B4GALT6: variants seen among roughly 807,000 people sequenced by gnomAD.
B4GALT6 encodes UDP-Gal:beta-GlcNAc beta-1,4-galactosyltransferase 6.
B4GALT6 carries 14 observed loss-of-function variants against 46.3 expected under a neutral mutation model. The ratio of observed to expected loss-of-function variants is 0.30; its 90% CI spans 0.20 to 0.47. The LOEUF (loss-of-function observed/expected upper bound fraction) is 0.47. B4GALT6 is among the 20% of genes least tolerant of loss of function. B4GALT6 has a pLI of 0.99. For synonymous variants in B4GALT6, 168 were observed against 162.0 expected, an observed-to-expected ratio of 1.04 and a Z score of -0.28; for missense variants, 386 against 480.1, an observed-to-expected ratio of 0.80 and a Z score of 1.83.
chr18:31,641,545 T>C (rs1051869553), intron 4 of B4GALT6, among the ~76,000 whole-genome samples: 2 of 152,222 alleles, frequency 1.3e-5, no homozygotes. Context: ...CTAGAAAAGA[T>C]CTCAGTGTTC....
At chr18:31,718,362 A>G in the B4GALT6 span, among the ~76,000 whole-genome samples, 1 of 152,242 alleles carries the variant, frequency 6.6e-6, no homozygotes, top group Non-Finnish European at 1.5e-5. Flanking sequence ...TATAGTGCCA[A>G]GGTTAAGAAA....
intron 3 of B4GALT6, among the ~76,000 whole-genome samples, chr18:31,649,704 A>G (rs2144604433): frequency 6.6e-6 from 1 of 152,340 alleles, no homozygotes; most frequent in East Asian, 1.9e-4. Context: ...AACCACGATA[A>G]GACAGCATCA....
At chr18:31,687,814 G>C (rs115826014), upstream of B4GALT6, among the ~76,000 whole-genome samples, 1 of 152,094 alleles carries the variant, frequency 6.6e-6, no homozygotes, top group Non-Finnish European at 1.5e-5. Flanking sequence ...GTATTAATAA[G>C]AAGTATACAC....
intron 3 of B4GALT6, among the ~76,000 whole-genome samples, chr18:31,654,677 T>C (rs1044332078): frequency 1.2e-4 from 19 of 152,228 alleles, no homozygotes; most frequent in Non-Finnish European, 1.0e-4. Context: ...TACACCAGTG[T>C]TAAGCCTTAA....
At chr18:31,696,237 T>C in the B4GALT6 span, among the ~76,000 whole-genome samples, 2 of 152,100 alleles carry the variant, frequency 1.3e-5, no homozygotes, top group Non-Finnish European at 2.9e-5. Context: ...TTGAGCAAAG[T>C]AAAATGATAG....
At chr18:31,705,799 A>G in the B4GALT6 span, among the ~76,000 whole-genome samples, 1 of 152,234 alleles carries the variant, frequency 6.6e-6, no homozygotes. Context: ...TGGAGCTACA[A>G]GTAATTTCTG....
chr18:31,634,192 C>A lies in B4GALT6; in HGVS notation c.589-3046G>T, dbSNP rs73954651. On this transcript the variant is annotated intron_variant, in intron 5 of 8. Transcript: ENST00000306851. ...CCTAGGGTCAGCATGCAGATTTACT[C>A]AACCCCCCGGTTTTATGCCCTACCA... 6.9e-3 allele frequency among the ~76,000 whole-genome samples: 1,051 copies of A among 152,280 alleles called. 16 individuals are homozygous for A. Among genetic ancestry groups the A allele is most frequent in the African/African-American group, 0.024 (996 of 41,570 alleles).
At chr18:31,677,679 T>C (rs953293521) in intron 1 of B4GALT6, among the ~76,000 whole-genome samples, 3 of 152,176 alleles carry the variant, frequency 2.0e-5, no homozygotes, top group Non-Finnish European at 4.4e-5. Flanking sequence ...AATGAAAACA[T>C]CTTTTAAATA....
At chr18:31,673,477 G>A (rs1267361233) in intron 1 of B4GALT6, among the ~76,000 whole-genome samples, 1 of 152,130 alleles carries the variant, frequency 6.6e-6, no homozygotes, top group Non-Finnish European at 1.5e-5. Context: ...CATCCTGGTG[G>A]TCAGCAACGA....
At chr18:31,709,998 A>G in the B4GALT6 span, among the ~76,000 whole-genome samples, 95,591 of 151,348 alleles carry the variant, frequency 0.63, 30,743 homozygotes, top group South Asian at 0.71. Context: ...AGGAGGCTGA[A>G]ACAGGAGAAT....
chr18:31,695,778 A>G, the B4GALT6 span, among the ~76,000 whole-genome samples: 1 of 152,244 alleles, frequency 6.6e-6, no homozygotes, highest in Non-Finnish European at 1.5e-5. Context: ...GAATCATGCC[A>G]CAAGGCAAAA....
the B4GALT6 span, among the ~76,000 whole-genome samples, chr18:31,698,790 C>T: frequency 6.6e-6 from 1 of 151,994 alleles, no homozygotes; most frequent in Non-Finnish European, 1.5e-5. Context: ...AAAAGTAAGG[C>T]CGGGCACAGT....
At chr18:31,631,499 ATAATT>A (rs905314338) in intron 5 of B4GALT6, among the ~76,000 whole-genome samples, 3 of 152,164 alleles carry the variant, frequency 2.0e-5, no homozygotes, top group Non-Finnish European at 1.5e-5. Flanking sequence ...ATATTATTTT[ATAATT>A]TAATAACATA....
At chr18:31,686,271 G>C (rs1394621587), upstream of B4GALT6, 2 of 152,174 alleles carry the variant, frequency 1.3e-5, no homozygotes, top group East Asian at 1.9e-4. Context: ...TTTTTATCGG[G>C]ATGCGCATGC....
the B4GALT6 span, among the ~76,000 whole-genome samples, chr18:31,692,992 A>G: frequency 6.6e-6 from 1 of 152,180 alleles, no homozygotes; most frequent in Non-Finnish European, 1.5e-5. Flanking sequence ...AGTTTTTAGC[A>G]ATGTTTAGAA....
At chr18:31,676,958 T>C (rs762843299) in intron 1 of B4GALT6, among the ~76,000 whole-genome samples, 4 of 152,224 alleles carry the variant, frequency 2.6e-5, no homozygotes, top group East Asian at 3.8e-4. Context: ...AGTAAAACAG[T>C]AGACCCTTCC....
At chr18:31,657,731 G>A (rs1428019765) in intron 3 of B4GALT6, among the ~76,000 whole-genome samples, 1 of 152,144 alleles carries the variant, frequency 6.6e-6, no homozygotes, top group African/African-American at 2.4e-5. Flanking sequence ...AACTGGTTGG[G>A]AACAATATGG....
At chr18:31,626,923 A>G (rs2073706448) in intron 7 of B4GALT6, 76 bp downstream of exon 7, 4 of 1,269,514 alleles carry the variant, frequency 3.2e-6, no homozygotes, top group East Asian at 2.6e-5. Flanking sequence ...CTTGGAATGG[A>G]TAAGTACTAC....
intron 5 of B4GALT6, among the ~76,000 whole-genome samples, chr18:31,636,487 G>T (rs1167209341): frequency 6.6e-6 from 1 of 152,166 alleles, no homozygotes; most frequent in African/African-American, 2.4e-5. Flanking sequence ...AAGGTATGTG[G>T]GAAGCAAATA....
Sources: allele counts gnomAD v4.1 joint callset (sites outside exome capture counted in the v4.1 genomes callset), GRCh38; gene constraint gnomAD v4.1.1; transcripts MANE v1.5; gene names NCBI Gene and HGNC (gene_info 2026-07-23, HGNC 2026-07-21).